GPR137B: variants seen among roughly 807,000 people sequenced by gnomAD.
GPR137B encodes G protein-coupled receptor 137B.
A neutral mutation model predicts 42.5 loss-of-function variants in GPR137B; 42 were observed. The observed-to-expected ratio is 0.99, with a 90% CI of 0.77 to 1.28. The LOEUF (loss-of-function observed/expected upper bound fraction) is 1.28. Ranked by LOEUF, GPR137B falls within the 50% of genes most tolerant of loss-of-function variation. The pLI is 0.00. For synonymous variants in GPR137B, 218 were observed against 209.7 expected (o/e 1.04, Z -0.34); for missense variants, 487 against 493.9 (o/e 0.99, Z 0.13).
rs1246323180 is a variant in GPR137B at position 236,173,303 on chromosome 1, AAAG to A, written c.464+4554_464+4556del. Reference sequence around the variant, plus strand: ...AAGACCCTGTCTCAAAAAAAAAAAAAAAGAAGAAAGAAAAGGATGAAAGGAAGG... The same window carrying A: ...AAGACCCTGTCTCAAAAAAAAAAAAAAAGAAAGAAAAGGATGAAAGGAAGG... On this transcript the variant is annotated intron_variant, in intron 2 of 6. Transcript: ENST00000366592. Among the ~76,000 whole-genome samples, 709 of 151,040 alleles carry A rather than the reference AAAG, an allele frequency of 4.7e-3. 7 individuals carry two copies. The highest frequency in any genetic ancestry group is 0.016 in the African/African-American group (666 of 41,090).
chr1:236,207,257 G>C, intron 6 of GPR137B: 1 of 985,332 alleles, frequency 1.0e-6, no homozygotes, highest in African/African-American at 1.7e-5. Context: ...TGCCCAATGC[G>C]CTGAGCCAGC....
At chr1:236,176,220 T>C (rs943946262) in intron 2 of GPR137B, among the ~76,000 whole-genome samples, 1 of 152,012 alleles carries the variant, frequency 6.6e-6, no homozygotes, top group Admixed American at 6.6e-5. Flanking sequence ...AAAGAATCTG[T>C]CCATGGCAAA....
At chr1:236,183,680 A>C in intron 4 of GPR137B, 98 bp from the exon 5 acceptor site, 4 of 780,324 alleles carry the variant, frequency 5.1e-6, no homozygotes, top group Non-Finnish European at 8.5e-6. Context: ...GAATTGTACT[A>C]GAGTATTAGA....
Position 236,159,652 on chromosome 1 carries a change from G to C in GPR137B, c.415-9054G>C, listed in dbSNP as rs182726040. Among the ~76,000 whole-genome samples the C allele has an allele frequency of 1.7e-3, 261 of 152,272 alleles. 3 individuals are homozygous for C. The highest frequency in any genetic ancestry group is 5.8e-3 in the African/African-American group (241 of 41,560). ...AGAAAAGAAAAAAAATAGGCAAGCG[G>C]GAGTTCAAAGGGTGGGAACAAATCA... On this transcript the variant is annotated intron_variant, in intron 1 of 6. Coordinates refer to ENST00000366592, the MANE Select transcript of GPR137B (RefSeq NM_003272.4).
At chr1:236,193,048 C>G (rs560120409) in intron 5 of GPR137B, among the ~76,000 whole-genome samples, 25 of 152,124 alleles carry the variant, frequency 1.6e-4, no homozygotes, top group South Asian at 1.5e-3. Context: ...GTGCCTGCTA[C>G]CACGCCTGGC....
intron 4 of GPR137B, among the ~76,000 whole-genome samples, chr1:236,180,731 G>A (rs539542070): frequency 4.0e-5 from 6 of 150,228 alleles, no homozygotes; most frequent in South Asian, 2.1e-4. Context: ...ATTCTCCTGC[G>A]TCAGCCTCCA....
At position 236,142,889 on chromosome 1, in the gene GPR137B, C is replaced by T. The variant is rs1446264089; in HGVS notation, c.267C>T (p.Ala89=). 5 of 1,614,234 alleles carry T rather than the reference C, an allele frequency of 3.1e-6. No individual in the cohort carries two copies. The highest frequency in any genetic ancestry group is 3.4e-6 in the Non-Finnish European group (4 of 1,180,026). The part of the protein sequence containing the change: ...SVFLFLCLFW[A]SLRTVLFSFY... The stretch of plus-strand genomic sequence containing the variant: ...TCCTCTTTCTCTGCCTCTTCTGGGC[C>T]TCCCTGCGGACCGTCCTCTTCTCCT... Residue 89 remains alanine, a synonymous_variant, in exon 1 of 7, where the codon GCC becomes GCT. Transcript: ENST00000366592.
rs917949906 is a variant in GPR137B at position 236,150,083 on chromosome 1, C to A, written c.414+7047C>A. Among the ~76,000 whole-genome samples the A allele has an allele frequency of 7.3e-6, 1 of 136,694 alleles. No individual in the cohort carries two copies. The highest frequency in any genetic ancestry group is 1.6e-5 in the Non-Finnish European group (1 of 63,582). The allele number at this position is 136,694 out of a possible 152,430, so 89.7% of individuals were successfully genotyped here. A position where few individuals can be genotyped will look rare whatever the true frequency, so the allele number is the denominator to read the frequency against. On this transcript the variant is annotated intron_variant, in intron 1 of 6. Transcript: ENST00000366592. The surrounding 1 kb of genome is among the most constrained non-coding windows in gnomAD (Gnocchi z 6.2). ...TGTGTCTGTGTGGGTCTCTGAGTGTCTGTGCATGTGTGTGTCTGTGCCTGT... is the reference window on the plus strand; with the variant it reads ...TGTGTCTGTGTGGGTCTCTGAGTGTATGTGCATGTGTGTGTCTGTGCCTGT...
intron 5 of GPR137B, among the ~76,000 whole-genome samples, chr1:236,188,891 A>G (rs1663110750): frequency 6.6e-6 from 1 of 152,174 alleles, no homozygotes; most frequent in Non-Finnish European, 1.5e-5. Context: ...TTTCAGAAGG[A>G]ATGGTACCAG....
chr1:236,190,153 T>TCG (rs1347558587), intron 5 of GPR137B, among the ~76,000 whole-genome samples: 42,005 of 140,438 alleles, frequency 0.3, 5,976 homozygotes, highest in East Asian at 0.57. Context: ...TTCTTCTTTT[T>TCG]TTTTTTTTTT....
intron 5 of GPR137B, among the ~76,000 whole-genome samples, chr1:236,200,268 T>TC (rs1404046309): frequency 1.3e-5 from 2 of 152,178 alleles, no homozygotes; most frequent in African/African-American, 4.8e-5. Flanking sequence ...TCATAGCCTA[T>TC]CATATGGTCT....
At chr1:236,183,983 T>C (rs1201387750) in intron 5 of GPR137B, 77 bp downstream of exon 5, 9 of 1,031,510 alleles carry the variant, frequency 8.7e-6, no homozygotes, top group Non-Finnish European at 1.3e-5. Flanking sequence ...AACTTTTTCT[T>C]CATTTTTCAG....
chr1:236,164,886 AAGAGAGAGAGAGAG>A (rs10581092), intron 1 of GPR137B, among the ~76,000 whole-genome samples: 20,399 of 143,948 alleles, frequency 0.14, 3,864 homozygotes, highest in African/African-American at 0.43. Flanking sequence ...AGATGAATTC[AAGAGAGAGAGAGAG>A]AGAGAGAGAG....
chr1:236,164,132 T>C (rs1281302531), intron 1 of GPR137B, among the ~76,000 whole-genome samples: 1 of 152,062 alleles, frequency 6.6e-6, no homozygotes, highest in Non-Finnish European at 1.5e-5. Context: ...CTGACATGTC[T>C]GTCTGCCTGT....
chr1:236,207,047 AT>A (rs1474044677), intron 6 of GPR137B: 8 of 569,016 alleles, frequency 1.4e-5, no homozygotes, highest in Non-Finnish European at 1.8e-5. Context: ...TAAAAAATAT[AT>A]GCTTGCCTTT....
At chr1:236,193,957 T>TTACAGTATAC in intron 5 of GPR137B, among the ~76,000 whole-genome samples, 1 of 152,244 alleles carries the variant, frequency 6.6e-6, no homozygotes, top group East Asian at 1.9e-4. Flanking sequence ...TGATGGTCCC[T>TTACAGTATAC]GATTTACAAC....
At chr1:236,153,104 A>T (rs553939138) in intron 1 of GPR137B, among the ~76,000 whole-genome samples, 35 of 151,908 alleles carry the variant, frequency 2.3e-4, no homozygotes, top group Middle Eastern at 3.4e-3. Flanking sequence ...AAAACCAAAT[A>T]AAAAAAAGAC....
intron 5 of GPR137B, among the ~76,000 whole-genome samples, chr1:236,189,694 T>C (rs7535175): frequency 0.33 from 50,398 of 151,980 alleles, 8,944 homozygotes; most frequent in East Asian, 0.6. Flanking sequence ...TTATGATTTC[T>C]GTTCTTTTGC....
chr1:236,175,366 T>TG (rs2102908028), intron 2 of GPR137B, among the ~76,000 whole-genome samples: 1 of 152,218 alleles, frequency 6.6e-6, no homozygotes, highest in Admixed American at 6.5e-5. Context: ...CGTACATAAG[T>TG]GGCCCCGCAC....
Sources: allele counts gnomAD v4.1 joint callset (sites outside exome capture counted in the v4.1 genomes callset), GRCh38; gene constraint gnomAD v4.1.1; non-coding constraint Gnocchi (gnomAD v3.1); transcripts MANE v1.5; gene names NCBI Gene and HGNC (gene_info 2026-07-23, HGNC 2026-07-21).